DTWD2: variants seen among roughly 807,000 people sequenced by gnomAD.
DTWD2 encodes DTW motif tRNA-uridine aminocarboxypropyltransferase 2, also known as tRNA-uridine aminocarboxypropyltransferase 2.
DTWD2 carries 39 observed loss-of-function variants against 31.8 expected under a neutral mutation model. The ratio of observed to expected loss-of-function variants is 1.22; its 90% CI spans 0.95 to 1.60. The LOEUF is 1.60. DTWD2 is among the 40% of genes most tolerant of loss of function. DTWD2 has a pLI of 0.00. For missense variants in DTWD2, 515 were observed against 381.5 expected (o/e 1.35, Z -2.92); for synonymous variants, 180 against 142.8 (o/e 1.26, Z -1.86).
At chr5:118,906,615 T>C (rs1250000763) in intron 4 of DTWD2, among the ~76,000 whole-genome samples, 3 of 152,222 alleles carry the variant, frequency 2.0e-5, no homozygotes, top group Non-Finnish European at 2.9e-5. Context: ...TATGATTATA[T>C]TTATATAAAA....
chr5:118,960,972 T>C (rs1182099798), intron 1 of DTWD2, among the ~76,000 whole-genome samples: 3 of 152,044 alleles, frequency 2.0e-5, no homozygotes, highest in Non-Finnish European at 4.4e-5. Context: ...ACCTAGTAGA[T>C]ACTATGCTAC....
intron 4 of DTWD2, among the ~76,000 whole-genome samples, chr5:118,879,854 C>G (rs2149553790): frequency 6.6e-6 from 1 of 152,130 alleles, no homozygotes; most frequent in Middle Eastern, 3.4e-3. Context: ...CTAATGAATA[C>G]TAGGATTAAT....
At chr5:118,973,660 AGCCTC>A in intron 1 of DTWD2, 1 of 874,538 alleles carries the variant, frequency 1.1e-6, no homozygotes, top group Admixed American at 2.3e-5. Flanking sequence ...TGCTCGCGGC[AGCCTC>A]CTTGCTCGCC....
intron 1 of DTWD2, among the ~76,000 whole-genome samples, chr5:118,966,953 C>A (rs1042388151): frequency 6.6e-6 from 1 of 151,632 alleles, no homozygotes; most frequent in Non-Finnish European, 1.5e-5. Context: ...ATCTCTTGAA[C>A]CTGGGAGGTA....
In DTWD2 at chr5:118,836,919, C is replaced by T. The variant is rs992117797; in HGVS notation, c.*3998G>A. On this transcript the variant is annotated 3_prime_UTR_variant, in exon 6 of 6. Transcript: ENST00000510708. Reference sequence around the variant, plus strand: ...GTCTCTGGTATTCTGAGAGAGCAGCCAGAATGGACTAAGACAGGAGTCAAG... The same window carrying T: ...GTCTCTGGTATTCTGAGAGAGCAGCTAGAATGGACTAAGACAGGAGTCAAG... 1.3e-5 allele frequency among the ~76,000 whole-genome samples: 2 copies of T among 152,090 alleles called. No homozygotes were observed. Among genetic ancestry groups the T allele is most frequent in the Admixed American group, 6.6e-5 (1 of 15,262 alleles).
At chr5:118,895,020 C>G (rs948557067) in intron 4 of DTWD2, among the ~76,000 whole-genome samples, 1 of 151,844 alleles carries the variant, frequency 6.6e-6, no homozygotes. Flanking sequence ...AAAAATTAGG[C>G]AAAGGAAGAA....
intron 4 of DTWD2, among the ~76,000 whole-genome samples, chr5:118,851,410 CT>C (rs1322473777): frequency 2.0e-5 from 3 of 151,854 alleles, no homozygotes; most frequent in Admixed American, 2.0e-4. Context: ...TGATGCCCAC[CT>C]GAGTCACAAA....
intron 1 of DTWD2, chr5:118,974,271 C>T (rs1250239544): frequency 9.7e-5 from 69 of 711,800 alleles, no homozygotes; most frequent in South Asian, 5.8e-4. Flanking sequence ...GCAGATGACA[C>T]GCGCTCTCCA....
intron 4 of DTWD2, among the ~76,000 whole-genome samples, chr5:118,916,388 G>C (rs111886986): frequency 3.9e-5 from 6 of 152,080 alleles, no homozygotes; most frequent in African/African-American, 1.4e-4. Flanking sequence ...CATTAAGGCC[G>C]GGTGCAGTGG....
intron 4 of DTWD2, among the ~76,000 whole-genome samples, chr5:118,888,034 C>G (rs983538603): frequency 6.6e-6 from 1 of 150,844 alleles, no homozygotes; most frequent in Non-Finnish European, 1.5e-5. Context: ...GGGGACTATT[C>G]CTGATCTCTT....
intron 1 of DTWD2, among the ~76,000 whole-genome samples, chr5:118,976,586 C>A (rs1283737210): frequency 6.6e-6 from 1 of 152,152 alleles, no homozygotes; most frequent in Non-Finnish European, 1.5e-5. Context: ...ACTAGAAAAT[C>A]TAGAAGAAAT....
At chr5:118,873,067 AG>A (rs1319478956) in intron 4 of DTWD2, among the ~76,000 whole-genome samples, 1 of 152,216 alleles carries the variant, frequency 6.6e-6, no homozygotes, top group African/African-American at 2.4e-5. Context: ...TGAAAAGGCA[AG>A]GAGCAATCTG....
At chr5:118,855,784 G>A (rs1006091147) in intron 4 of DTWD2, among the ~76,000 whole-genome samples, 1 of 152,006 alleles carries the variant, frequency 6.6e-6, no homozygotes, top group African/African-American at 2.4e-5. Context: ...AATTATTAAA[G>A]ACTTACAAGA....
chr5:118,936,864 A>T (rs1049283270), intron 3 of DTWD2, among the ~76,000 whole-genome samples: 11 of 152,144 alleles, frequency 7.2e-5, no homozygotes, highest in Admixed American at 3.3e-4. Context: ...AAAAAAGAAA[A>T]GACACAAATT....
chr5:118,974,072 G>A, intron 1 of DTWD2: 1 of 1,604,848 alleles, frequency 6.2e-7, no homozygotes, highest in Non-Finnish European at 8.5e-7. Flanking sequence ...AGCTGAAGAT[G>A]ATGAGGATGA....
At chr5:118,901,507 T>C (rs1006622185) in intron 4 of DTWD2, among the ~76,000 whole-genome samples, 3 of 152,222 alleles carry the variant, frequency 2.0e-5, no homozygotes, top group Admixed American at 6.5e-5. Flanking sequence ...TAAAGCTTGC[T>C]ATCTTGCCTA....
intron 4 of DTWD2, among the ~76,000 whole-genome samples, chr5:118,927,619 A>G (rs554155914): frequency 2.1e-4 from 32 of 152,266 alleles, no homozygotes; most frequent in African/African-American, 7.2e-4. Flanking sequence ...TATGGCAACC[A>G]ATCTGCTAAC....
intron 1 of DTWD2, among the ~76,000 whole-genome samples, chr5:118,964,217 C>CAAAAA (rs34712667): frequency 2.4e-5 from 2 of 84,766 alleles, no homozygotes; most frequent in Non-Finnish European, 5.0e-5. Flanking sequence ...GACTCCATCT[C>CAAAAA]AAAAAAAAAA....
At chr5:118,937,032 A>AAATAAATATTTTTTCC (rs1754059909) in intron 3 of DTWD2, among the ~76,000 whole-genome samples, 1 of 152,166 alleles carries the variant, frequency 6.6e-6, no homozygotes, top group Admixed American at 6.5e-5. Context: ...AACTGACACA[A>AAATAAATATTTTTTCC]AAATAAATGG....
Sources: gnomAD v4.1 joint callset for allele counts (sites outside exome capture counted in the v4.1 genomes callset) on GRCh38, gnomAD v4.1.1 for gene constraint, MANE v1.5 for transcripts, NCBI Gene and HGNC (gene_info 2026-07-23, HGNC 2026-07-21) for gene names.